The following MARCHF1 variants were observed in gnomAD, a reference collection of about 807,000 sequenced individuals.
The protein encoded by MARCHF1 is E3 ubiquitin-protein ligase MARCHF1.
MARCHF1 carries 40 observed loss-of-function variants against 54.2 expected under a neutral mutation model. The ratio of observed to expected loss-of-function variants is 0.74; its 90% CI spans 0.57 to 0.96. MARCHF1 has a LOEUF of 0.96. Ranked by LOEUF, MARCHF1 falls within the 40% of genes least tolerant of loss-of-function variation. MARCHF1 has a pLI of 0.00. For missense variants in MARCHF1, 586 were observed against 656.5 expected (o/e 0.89, Z 1.17); for synonymous variants, 236 against 236.3 (o/e 1.00, Z 0.01).
chr4:163,914,018 C>T (rs1373154968), intron 3 of MARCHF1, among the ~76,000 whole-genome samples: 1 of 151,832 alleles, frequency 6.6e-6, no homozygotes, highest in African/African-American at 2.4e-5. Context: ...TTTGTCTATT[C>T]ATAGAAATAA....
chr4:163,696,582 G>A (rs1744641533), intron 5 of MARCHF1, among the ~76,000 whole-genome samples: 1 of 152,126 alleles, frequency 6.6e-6, no homozygotes, highest in Non-Finnish European at 1.5e-5. Context: ...GATTGAGATT[G>A]TATGACCTTT....
chr4:163,809,769 G>C lies in MARCHF1; in HGVS notation c.111+44252C>G, dbSNP rs139769946. On this transcript the variant is annotated intron_variant, in intron 4 of 9. Coordinates refer to ENST00000514618, the MANE Select transcript of MARCHF1 (RefSeq NM_001394959.1). The stretch of plus-strand genomic sequence containing the variant: ...ACACACAAATATATTTATGTGACCA[G>C]CTTTTAGTCACACTAAAGATATTTT... 5.6e-3 allele frequency among the ~76,000 whole-genome samples: 845 copies of C among 152,058 alleles called. 16 individuals carry two copies. The highest frequency in any genetic ancestry group is 0.02 in the African/African-American group (812 of 41,462).
In MARCHF1 at chr4:164,214,776, T is replaced by C. The variant is rs564739058; in HGVS notation, c.-322-103114A>G. On this transcript the variant is annotated intron_variant, in intron 1 of 9. Coordinates refer to ENST00000514618, the MANE Select transcript of MARCHF1 (RefSeq NM_001394959.1). The stretch of plus-strand genomic sequence containing the variant: ...AATGCCTATAATGTGGGGCACATAT[T>C]TTATGGTTTACCACAATCCCCACCA... Among the ~76,000 whole-genome samples, 20 of 152,316 alleles carry C rather than the reference T, an allele frequency of 1.3e-4. No homozygotes were observed. In the South Asian group the frequency reaches 4.1e-3, roughly 32 times the overall value.
chr4:163,823,878 T>C (rs1748768426), intron 4 of MARCHF1, among the ~76,000 whole-genome samples: 1 of 53,992 alleles, frequency 1.9e-5, no homozygotes, highest in Non-Finnish European at 6.3e-5. Flanking sequence ...TAAAATTAAG[T>C]TATGTTAAAG....
At chr4:164,286,287 T>C (rs1017596724) in intron 1 of MARCHF1, among the ~76,000 whole-genome samples, 3 of 152,208 alleles carry the variant, frequency 2.0e-5, no homozygotes, top group African/African-American at 7.2e-5. Flanking sequence ...GTCAAATGTT[T>C]CCTGCTCTGT....
intron 3 of MARCHF1, among the ~76,000 whole-genome samples, chr4:163,883,245 G>A (rs1180704722): frequency 1.4e-4 from 14 of 101,892 alleles, no homozygotes; most frequent in African/African-American, 1.4e-4. Flanking sequence ...ATATGTGTGT[G>A]TATATATATA....
At chr4:163,682,995 G>A (rs1455837923) in intron 5 of MARCHF1, among the ~76,000 whole-genome samples, 1 of 152,110 alleles carries the variant, frequency 6.6e-6, no homozygotes, top group African/African-American at 2.4e-5. Flanking sequence ...ATGTATTGTT[G>A]TAATAAAATC....
At chr4:163,997,834 GA>G (rs908167455) in intron 2 of MARCHF1, among the ~76,000 whole-genome samples, 6 of 150,962 alleles carry the variant, frequency 4.0e-5, no homozygotes, top group African/African-American at 9.7e-5. Flanking sequence ...TCAGCTTGTG[GA>G]AAAAAAAGTA....
At chr4:163,787,916 C>T (rs767550481) in intron 4 of MARCHF1, among the ~76,000 whole-genome samples, 6 of 151,932 alleles carry the variant, frequency 3.9e-5, no homozygotes, top group Admixed American at 6.6e-5. Context: ...AAAAACCTGT[C>T]ACATGCTACA....
intron 1 of MARCHF1, among the ~76,000 whole-genome samples, chr4:164,307,491 T>C (rs1734726770): frequency 6.6e-6 from 1 of 152,188 alleles, no homozygotes; most frequent in African/African-American, 2.4e-5. Context: ...CCAAAGCTCG[T>C]CTCTTCCCAA....
At chr4:163,713,456 T>C (rs1340635033) in intron 4 of MARCHF1, among the ~76,000 whole-genome samples, 1 of 152,190 alleles carries the variant, frequency 6.6e-6, no homozygotes, top group Non-Finnish European at 1.5e-5. Flanking sequence ...ATCATGATAA[T>C]AGTACAGTCC....
intron 1 of MARCHF1, among the ~76,000 whole-genome samples, chr4:164,210,912 A>G (rs1731746087): frequency 6.6e-6 from 1 of 152,176 alleles, no homozygotes. Context: ...AACAACCTGA[A>G]TGAATCTGGA....
At position 163,971,522 on chromosome 4, in the gene MARCHF1, A is replaced by G. The variant is rs577605005; in HGVS notation, c.-39+16979T>C. On this transcript the variant is annotated intron_variant, in intron 3 of 9. Transcript: ENST00000514618. ...GGTTAGTTCTATTAGTGAAGGTTCT[A>G]AAAAACCAAAGTTAATGGAAAGACT... 2.0e-5 allele frequency among the ~76,000 whole-genome samples: 3 copies of G among 152,310 alleles called. No individual in the cohort carries two copies. In the East Asian group the frequency reaches 5.8e-4, roughly 29 times the overall value.
At chr4:164,088,458 C>G in intron 2 of MARCHF1, among the ~76,000 whole-genome samples, 1 of 152,128 alleles carries the variant, frequency 6.6e-6, no homozygotes, top group East Asian at 1.9e-4. Flanking sequence ...AATCCAATGG[C>G]CAGGTGTGGC....
intron 3 of MARCHF1, among the ~76,000 whole-genome samples, chr4:163,973,942 A>C (rs939943209): frequency 6.6e-6 from 1 of 152,212 alleles, no homozygotes; most frequent in Non-Finnish European, 1.5e-5. Flanking sequence ...AGTAGGAAAA[A>C]ATAAGGTAAT....
intron 7 of MARCHF1, among the ~76,000 whole-genome samples, chr4:163,608,780 T>A (rs1741227083): frequency 6.6e-6 from 1 of 152,006 alleles, no homozygotes. Context: ...AGCTTCTTTC[T>A]TTTTTGTGGT....
At chr4:164,325,312 C>A (rs1162351499) in intron 1 of MARCHF1, among the ~76,000 whole-genome samples, 1 of 136,804 alleles carries the variant, frequency 7.3e-6, no homozygotes, top group African/African-American at 2.8e-5. Flanking sequence ...GGACAAGGAC[C>A]AGTGAGTTGG....
intron 3 of MARCHF1, among the ~76,000 whole-genome samples, chr4:163,918,099 A>G (rs1436333364): frequency 1.3e-5 from 2 of 151,942 alleles, no homozygotes; most frequent in East Asian, 3.9e-4. Flanking sequence ...TCCACTTTCA[A>G]TTTTCTGTAT....
chr4:164,376,018 ATG>A (rs1266573722), intron 1 of MARCHF1, among the ~76,000 whole-genome samples: 1 of 152,162 alleles, frequency 6.6e-6, no homozygotes, highest in Non-Finnish European at 1.5e-5. Context: ...ACTTTTGCGT[ATG>A]TGCACTGGCT....
Sources: allele counts gnomAD v4.1 joint callset (sites outside exome capture counted in the v4.1 genomes callset), GRCh38; gene constraint gnomAD v4.1.1; transcripts MANE v1.5; gene names NCBI Gene and HGNC (gene_info 2026-07-23, HGNC 2026-07-21).